The following CAMTA1 variants were observed in gnomAD, a reference collection of about 807,000 sequenced individuals.
The protein encoded by CAMTA1 is calmodulin binding transcription activator 1.
CAMTA1 carries 27 observed loss-of-function variants against 170.9 expected under a neutral mutation model. The ratio of observed to expected loss-of-function variants is 0.16; its 90% CI spans 0.12 to 0.22. The LOEUF (loss-of-function observed/expected upper bound fraction) is 0.22, where lower values mean the gene tolerates loss of function less well. Ranked by LOEUF, CAMTA1 falls within the 10% of genes least tolerant of loss-of-function variation. The pLI is 1.00. For missense variants in CAMTA1, 1,619 were observed against 2,217.2 expected (o/e 0.73, Z 5.42); for synonymous variants, 833 against 891.5 (o/e 0.93, Z 1.17).
At chr1:6,891,610 CAT>C (rs768906061) in intron 3 of CAMTA1, among the ~76,000 whole-genome samples, 16 of 152,200 alleles carry the variant, frequency 1.1e-4, no homozygotes, top group Non-Finnish European at 2.2e-4. Context: ...TTTGCCATCT[CAT>C]AGCTACTTCT....
intron 5 of CAMTA1, among the ~76,000 whole-genome samples, chr1:7,262,194 G>C (rs1466400275): frequency 6.6e-6 from 1 of 152,106 alleles, no homozygotes; most frequent in Non-Finnish European, 1.5e-5. Flanking sequence ...GGCCTTCCAT[G>C]GACTGATCAG....
chr1:7,730,407 G>A (rs1301130037), intron 11 of CAMTA1, among the ~76,000 whole-genome samples: 1 of 152,148 alleles, frequency 6.6e-6, no homozygotes, highest in African/African-American at 2.4e-5. Flanking sequence ...CTCAGTTCTG[G>A]ACATGTTTGG....
intron 3 of CAMTA1, among the ~76,000 whole-genome samples, chr1:7,047,690 GTTGGCT>G (rs1318082742): frequency 6.7e-6 from 1 of 149,762 alleles, no homozygotes; most frequent in African/African-American, 2.5e-5. Flanking sequence ...CTGCTCATTG[GTTGGCT>G]TTGGCTTTCT....
chr1:7,536,392 C>CT (rs1557878422), intron 6 of CAMTA1, among the ~76,000 whole-genome samples: 1 of 152,212 alleles, frequency 6.6e-6, no homozygotes. Flanking sequence ...GTGCCTGCCC[C>CT]TGGGTTCACT....
At chr1:7,178,548 C>T (rs575792780) in intron 4 of CAMTA1, among the ~76,000 whole-genome samples, 32 of 152,290 alleles carry the variant, frequency 2.1e-4, no homozygotes, top group African/African-American at 7.5e-4. Flanking sequence ...ATTCTCTTTG[C>T]ATTTACATCC....
At chr1:7,005,153 C>T (rs570676700) in intron 3 of CAMTA1, among the ~76,000 whole-genome samples, 1 of 152,380 alleles carries the variant, frequency 6.6e-6, no homozygotes, top group East Asian at 1.9e-4. Flanking sequence ...TACCCTTCAC[C>T]TAGGTGGACC....
At chr1:7,500,140 G>A (rs1391152374) in intron 6 of CAMTA1, among the ~76,000 whole-genome samples, 2 of 147,134 alleles carry the variant, frequency 1.4e-5, no homozygotes, top group African/African-American at 5.1e-5. Context: ...GTATGTATAT[G>A]GGTGTGTGTG....
intron 6 of CAMTA1, among the ~76,000 whole-genome samples, chr1:7,613,646 C>A (rs1485857322): frequency 6.6e-6 from 1 of 151,884 alleles, no homozygotes; most frequent in African/African-American, 2.4e-5. Flanking sequence ...GAATGGGAGC[C>A]GGGGCACAGG....
At chr1:7,295,211 C>T (rs537478579) in intron 5 of CAMTA1, among the ~76,000 whole-genome samples, 22 of 152,218 alleles carry the variant, frequency 1.4e-4, no homozygotes, top group African/African-American at 4.3e-4. Context: ...GAAGCTGGAA[C>T]GGGGCAACAC....
intron 3 of CAMTA1, among the ~76,000 whole-genome samples, chr1:6,991,798 A>C (rs549681786): frequency 6.6e-6 from 1 of 152,204 alleles, no homozygotes; most frequent in Non-Finnish European, 1.5e-5. Flanking sequence ...TCCTGGGTTG[A>C]AGCGATTCTC....
Position 7,325,150 on chromosome 1 carries a change from A to G in CAMTA1, c.438+75524A>G, listed in dbSNP as rs1007021351. Among the ~76,000 whole-genome samples, 11 of 152,374 alleles carry G rather than the reference A, an allele frequency of 7.2e-5. No individual in the cohort carries two copies. Among genetic ancestry groups the G allele is most frequent in the African/African-American group, 2.6e-4 (11 of 41,580 alleles). On this transcript the variant is annotated intron_variant, in intron 5 of 22. Coordinates refer to ENST00000303635, the MANE Select transcript of CAMTA1 (RefSeq NM_015215.4). This position sits in a 1 kb window ranked among gnomAD's most constrained non-coding sequence, Gnocchi z 5.0. The stretch of plus-strand genomic sequence containing the variant: ...ACGCACTGTTCTAGGAACATAGGAA[A>G]CACAAGGAACAGAGAAGGCACAGGT...
chr1:7,282,766 T>G (rs1671702030), intron 5 of CAMTA1, among the ~76,000 whole-genome samples: 1 of 151,894 alleles, frequency 6.6e-6, no homozygotes, highest in Non-Finnish European at 1.5e-5. Context: ...TAGAGGTGAC[T>G]GTATTTACAC....
chr1:7,546,095 A>G (rs2094689241), intron 6 of CAMTA1, among the ~76,000 whole-genome samples: 1 of 151,920 alleles, frequency 6.6e-6, no homozygotes, highest in Admixed American at 6.6e-5. Context: ...AGCTGGGACT[A>G]CAGGCACCTG....
At chr1:7,123,387 A>G (rs1006398943) in intron 4 of CAMTA1, among the ~76,000 whole-genome samples, 1 of 151,772 alleles carries the variant, frequency 6.6e-6, no homozygotes, top group East Asian at 1.9e-4. Flanking sequence ...CACCCTAATG[A>G]TCTCGTCTTG....
intron 5 of CAMTA1, among the ~76,000 whole-genome samples, chr1:7,434,104 C>A (rs1305322994): frequency 2.0e-5 from 3 of 152,144 alleles, no homozygotes; most frequent in African/African-American, 7.2e-5. Context: ...CCTGGAGAGT[C>A]CCTCCCCAAG....
chr1:7,259,040 A>T (rs1323392799), intron 5 of CAMTA1, among the ~76,000 whole-genome samples: 2 of 152,046 alleles, frequency 1.3e-5, no homozygotes, highest in Non-Finnish European at 2.9e-5. Context: ...TTACCAAACG[A>T]GTTAAAGAAG....
At position 7,718,853 on chromosome 1, in the gene CAMTA1, C is replaced by CTTTTTT. The variant is rs1380463151; in HGVS notation, c.2915-13584_2915-13579dup. Among the ~76,000 whole-genome samples the CTTTTTT allele has an allele frequency of 2.9e-3, 385 of 134,530 alleles. 2 individuals carry two copies. Among genetic ancestry groups the CTTTTTT allele is most frequent in the African/African-American group, 3.4e-3 (121 of 36,086 alleles). The allele number at this position is 134,530 out of a possible 152,430, so 88.3% of individuals were successfully genotyped here. A position where few individuals can be genotyped will look rare whatever the true frequency, so the allele number is the denominator to read the frequency against. On this transcript the variant is annotated intron_variant, in intron 11 of 22. Transcript: ENST00000303635. ...ATTACAGGCATGAGCCCGGTCAGCC[C>CTTTTTT]TTTTTTTTTTTTTTTTAAAGACCTC...
intron 3 of CAMTA1, among the ~76,000 whole-genome samples, chr1:6,903,764 C>T (rs574450974): frequency 1.3e-5 from 2 of 152,306 alleles, no homozygotes; most frequent in South Asian, 4.1e-4. Flanking sequence ...GCAACTCCTT[C>T]CAGAAACTAA....
chr1:6,851,742 G>A (rs1660432752), intron 3 of CAMTA1, among the ~76,000 whole-genome samples: 2 of 152,130 alleles, frequency 1.3e-5, no homozygotes, highest in Non-Finnish European at 1.5e-5. Context: ...AGCTGGGCAT[G>A]ATGGTTCATG....
Sources: gnomAD v4.1 joint callset for allele counts (sites outside exome capture counted in the v4.1 genomes callset) on GRCh38, gnomAD v4.1.1 for gene constraint, Gnocchi (gnomAD v3.1) non-coding constraint, MANE v1.5 for transcripts, NCBI Gene and HGNC (gene_info 2026-07-23, HGNC 2026-07-21) for gene names.